The following CTNNA3 variants were observed in gnomAD, a reference collection of about 807,000 sequenced individuals.
The protein encoded by CTNNA3 is catenin alpha-3.
CTNNA3 carries 76 observed loss-of-function variants against 95.7 expected under a neutral mutation model. That is an observed-to-expected ratio of 0.79 (90% CI 0.66 to 0.96). The LOEUF (loss-of-function observed/expected upper bound fraction) is 0.96. CTNNA3 is among the 40% of genes least tolerant of loss of function. The pLI is 0.00. For synonymous variants in CTNNA3, 431 were observed against 374.4 expected (o/e 1.15, Z -1.74); for missense variants, 1,191 against 1,089.8 (o/e 1.09, Z -1.31).
intron 17 of CTNNA3, among the ~76,000 whole-genome samples, chr10:65,958,097 T>C (rs1342013043): frequency 1.3e-5 from 2 of 152,082 alleles, no homozygotes; most frequent in Non-Finnish European, 2.9e-5. Context: ...TTACTCTTTT[T>C]TCTCTAAACT....
At chr10:67,363,491 C>G (rs1015571281) in intron 5 of CTNNA3, among the ~76,000 whole-genome samples, 2 of 151,604 alleles carry the variant, frequency 1.3e-5, no homozygotes, top group African/African-American at 4.8e-5. Context: ...CACACACACA[C>G]ACAAAAAAAC....
At chr10:66,716,964 A>T (rs1326855759) in intron 9 of CTNNA3, among the ~76,000 whole-genome samples, 1 of 152,082 alleles carries the variant, frequency 6.6e-6, no homozygotes, top group Non-Finnish European at 1.5e-5. Context: ...CTTTAATTAA[A>T]GAGTTTACCC....
At chr10:66,103,535 T>C (rs908976347) in intron 13 of CTNNA3, among the ~76,000 whole-genome samples, 1 of 152,120 alleles carries the variant, frequency 6.6e-6, no homozygotes, top group Non-Finnish European at 1.5e-5. Context: ...TGGAATATAA[T>C]TTGGCCATAA....
intron 13 of CTNNA3, among the ~76,000 whole-genome samples, chr10:66,125,106 CA>C (rs1341713811): frequency 1.3e-5 from 2 of 152,200 alleles, no homozygotes; most frequent in Admixed American, 1.3e-4. Context: ...CTTCAAGAAA[CA>C]TTAAAAGAAG....
intron 10 of CTNNA3, among the ~76,000 whole-genome samples, chr10:66,580,217 C>A (rs944793956): frequency 2.0e-5 from 3 of 151,390 alleles, no homozygotes; most frequent in Non-Finnish European, 3.0e-5. Flanking sequence ...TCTTTGATTT[C>A]TTTGCTGTAA....
chr10:67,730,529 G>A (rs1232661527), intron 1 of CTNNA3, among the ~76,000 whole-genome samples: 2 of 152,108 alleles, frequency 1.3e-5, no homozygotes, highest in African/African-American at 2.4e-5. Context: ...CATGAAAGAG[G>A]AAGACATGAT....
intron 3 of CTNNA3, among the ~76,000 whole-genome samples, chr10:67,595,674 T>C (rs569947117): frequency 2.6e-5 from 4 of 152,198 alleles, no homozygotes; most frequent in Non-Finnish European, 5.9e-5. Context: ...GTTTAGGTTT[T>C]GAATATCTTT....
chr10:66,328,933 T>TATATATATATATACAC lies in CTNNA3; in HGVS notation c.1733-48313_1733-48312insGTGTATATATATATAT, dbSNP rs59003281. Among the ~76,000 whole-genome samples, 287 of 115,376 alleles carry TATATATATATATACAC rather than the reference T, an allele frequency of 2.5e-3. 1 individual carries two copies. The highest frequency in any genetic ancestry group is 0.018 in the South Asian group (59 of 3,294). 75.7% of individuals were successfully genotyped at this position (115,376 alleles called of 152,430 possible). A position where few individuals can be genotyped will look rare whatever the true frequency, so the allele number is the denominator to read the frequency against. On this transcript the variant is annotated intron_variant, in intron 12 of 17. Coordinates refer to ENST00000433211, the MANE Select transcript of CTNNA3 (RefSeq NM_013266.4). ...ATACATATATATATATATATATATATACACACACACATATAAATATAATTT... is the reference window on the plus strand; with the variant it reads ...ATACATATATATATATATATATATATATATATATATATACACACACACACACATATAAATATAATTT...
intron 15 of CTNNA3, among the ~76,000 whole-genome samples, chr10:66,059,684 G>A (rs1020858054): frequency 6.6e-6 from 1 of 151,894 alleles, no homozygotes; most frequent in African/African-American, 2.4e-5. Context: ...TAATACCAAG[G>A]ACAAGGACAG....
At chr10:67,230,075 T>C (rs554937741) in intron 5 of CTNNA3, among the ~76,000 whole-genome samples, 2 of 152,228 alleles carry the variant, frequency 1.3e-5, no homozygotes, top group African/African-American at 4.8e-5. Context: ...CAAACTATAC[T>C]ATAAGGCCAT....
chr10:66,296,787 C>T (rs894449776), intron 12 of CTNNA3, among the ~76,000 whole-genome samples: 1 of 152,028 alleles, frequency 6.6e-6, no homozygotes, highest in South Asian at 2.1e-4. Flanking sequence ...TCATGCTTTA[C>T]CCCCTGGCTT....
chr10:65,922,444 C>A (rs933490249), intron 17 of CTNNA3, among the ~76,000 whole-genome samples: 23 of 152,084 alleles, frequency 1.5e-4, no homozygotes, highest in Admixed American at 1.5e-3. Context: ...AGGCCCCAAA[C>A]CATTTAAAGA....
At chr10:66,057,742 CA>C (rs1205789925) in intron 15 of CTNNA3, among the ~76,000 whole-genome samples, 1 of 152,136 alleles carries the variant, frequency 6.6e-6, no homozygotes, top group African/African-American at 2.4e-5. Context: ...TGGAGCACAG[CA>C]AAAAATAATT....
chr10:66,198,183 T>C (rs1334533478), intron 13 of CTNNA3, among the ~76,000 whole-genome samples: 2 of 152,290 alleles, frequency 1.3e-5, no homozygotes, highest in East Asian at 3.9e-4. Flanking sequence ...AAACATTTTT[T>C]CAATATTCCA....
At chr10:67,744,391 G>C (rs911872589) in intron 1 of CTNNA3, among the ~76,000 whole-genome samples, 1 of 151,178 alleles carries the variant, frequency 6.6e-6, no homozygotes, top group African/African-American at 2.4e-5. Flanking sequence ...TGAGAAAAAT[G>C]AGAAATGGGG....
rs564925545 is a variant in CTNNA3, at chr10:66,645,315, C to T, written c.1282-23531G>A. Among the ~76,000 whole-genome samples, 16 of 152,072 alleles carry T rather than the reference C, an allele frequency of 1.1e-4. No individual in the cohort carries two copies. In the South Asian group the frequency reaches 2.9e-3, roughly 28 times the overall value. ...ATATTTTTTCCTATTTTGTTCTAAA[C>T]ATTTTGTATTTATATTATAATTTTT... On this transcript the variant is annotated intron_variant, in intron 9 of 17. Transcript: ENST00000433211.
intron 12 of CTNNA3, among the ~76,000 whole-genome samples, chr10:66,373,486 C>G (rs2092769279): frequency 6.6e-6 from 1 of 152,010 alleles, no homozygotes; most frequent in South Asian, 2.1e-4. Flanking sequence ...TTTAGAGAGG[C>G]TGAGTTGTAA....
At chr10:67,076,019 T>G (rs2182162) in intron 7 of CTNNA3, among the ~76,000 whole-genome samples, 52,361 of 152,096 alleles carry the variant, frequency 0.34, 9,425 homozygotes, top group Middle Eastern at 0.56. Flanking sequence ...ACCAGTAAAA[T>G]GCAGAACTAC....
chr10:66,832,416 T>C (rs1487960428), intron 7 of CTNNA3, among the ~76,000 whole-genome samples: 3 of 152,106 alleles, frequency 2.0e-5, no homozygotes, highest in African/African-American at 4.8e-5. Flanking sequence ...ACGGGAAAAT[T>C]TGAAGTTCCG....
Sources: gnomAD v4.1 joint callset for allele counts (sites outside exome capture counted in the v4.1 genomes callset) on GRCh38, gnomAD v4.1.1 for gene constraint, MANE v1.5 for transcripts, NCBI Gene and HGNC (gene_info 2026-07-23, HGNC 2026-07-21) for gene names.